The following RUNX1T1 variants were observed in gnomAD, a reference collection of about 807,000 sequenced individuals.
RUNX1T1 encodes RUNX1 partner transcriptional co-repressor 1, also known as protein CBFA2T1.
Under a neutral mutation model 62.8 loss-of-function variants are expected in RUNX1T1, and 4 were observed. The observed-to-expected ratio is 0.06, with a 90% CI of 0.03 to 0.15. RUNX1T1 has a LOEUF of 0.15. RUNX1T1 is among the 10% of genes least tolerant of loss of function. The pLI is 1.00. For synonymous variants in RUNX1T1, 291 were observed against 286.0 expected (o/e 1.02, Z -0.18); for missense variants, 508 against 754.3 (o/e 0.67, Z 3.82).
rs903413858 is a variant in RUNX1T1, at chr8:92,095,388, G to C, written c.-86+4192C>G. ...GCGGGAGAGCGGCCGCGGCCGAGGC[G>C]GCACCCAGACCGCGGCTTTGTATTC... On this transcript the variant is annotated intron_variant, in intron 1 of 11. Coordinates refer to the RUNX1T1 transcript ENST00000265814. 6.5e-6 allele frequency: 10 copies of C among 1,535,384 alleles called. No individual in the cohort carries two copies. In the East Asian group the frequency reaches 1.5e-4, roughly 23 times the overall value.
Position 92,056,859 on chromosome 8 carries a change from A to C in RUNX1T1, c.7+5687T>G, listed in dbSNP as rs143957495. On this transcript the variant is annotated intron_variant, in intron 1 of 10. Coordinates refer to ENST00000396218, the Ensembl canonical transcript of RUNX1T1. ...ATTTTCTACTAATCCAAAACACAGAAAACCATCCATCTGACCTTCCGATTA... is the reference window on the plus strand; with the variant it reads ...ATTTTCTACTAATCCAAAACACAGACAACCATCCATCTGACCTTCCGATTA... Among the ~76,000 whole-genome samples, 1,115 of 152,278 alleles carry C rather than the reference A, an allele frequency of 7.3e-3. 12 individuals are homozygous for C. Among genetic ancestry groups the C allele is most frequent in the Middle Eastern group, 0.048 (14 of 294 alleles).
chr8:92,088,497 C>G (rs962894372), intron 1 of RUNX1T1, among the ~76,000 whole-genome samples: 2 of 152,204 alleles, frequency 1.3e-5, no homozygotes, highest in Admixed American at 6.5e-5. Flanking sequence ...ATTTCTGATA[C>G]TCCACTTGTC....
In RUNX1T1 at chr8:92,020,184, C is replaced by T. The variant is rs80177675; in HGVS notation, c.8-2821G>A. Among the ~76,000 whole-genome samples, 315 of 152,274 alleles carry T rather than the reference C, an allele frequency of 2.1e-3. 2 individuals carry two copies. Among genetic ancestry groups the T allele is most frequent in the African/African-American group, 7.3e-3 (305 of 41,556 alleles). On this transcript the variant is annotated intron_variant, in intron 1 of 10. Coordinates refer to ENST00000396218, the Ensembl canonical transcript of RUNX1T1. ...GTGAAATAACCAGCCAGGCCTAATC[C>T]ACATACACATGAACACTCTCTGGAG...
intron 5 of RUNX1T1, chr8:92,003,319 A>G (rs1402556550): frequency 2.2e-6 from 1 of 456,142 alleles, no homozygotes; most frequent in East Asian, 6.9e-5. Flanking sequence ...CTGTGCAAGG[A>G]TAGTCAAAAG....
chr8:92,072,001 A>G (rs1833759352), intron 2 of RUNX1T1, among the ~76,000 whole-genome samples: 1 of 152,206 alleles, frequency 6.6e-6, no homozygotes, highest in Non-Finnish European at 1.5e-5. Flanking sequence ...ATTCCCAGTC[A>G]TTACCCTCCA....
intron 1 of RUNX1T1, among the ~76,000 whole-genome samples, chr8:92,092,301 T>A (rs1837152553): frequency 6.6e-6 from 1 of 152,226 alleles, no homozygotes; most frequent in Admixed American, 6.5e-5. Flanking sequence ...AGAACATGTC[T>A]TTCCTAGCAA....
At chr8:91,998,958 A>G (rs1819241631) in intron 5 of RUNX1T1, among the ~76,000 whole-genome samples, 1 of 152,164 alleles carries the variant, frequency 6.6e-6, no homozygotes, top group African/African-American at 2.4e-5. Flanking sequence ...TGACTGCATT[A>G]AGTTTAATTT....
At chr8:91,976,232 A>G (rs191732853) in intron 8 of RUNX1T1, among the ~76,000 whole-genome samples, 1 of 152,340 alleles carries the variant, frequency 6.6e-6, no homozygotes, top group East Asian at 1.9e-4. Flanking sequence ...TCATTATACA[A>G]TATGATGTTT....
intron 4 of RUNX1T1, 54 bp downstream of exon 5, chr8:92,010,948 A>C (rs768923264): frequency 1.0e-6 from 1 of 986,780 alleles, no homozygotes; most frequent in Non-Finnish European, 1.6e-6. Context: ...CACAGTTATG[A>C]CCTAGCAACA....
intron 1 of RUNX1T1, chr8:92,095,387 CG>C: frequency 6.5e-7 from 1 of 1,535,462 alleles, no homozygotes; most frequent in East Asian, 2.4e-5. Flanking sequence ...GCGGCCGAGG[CG>C]GCACCCAGAC....
At chr8:92,075,746 C>A (rs1834322404) in intron 2 of RUNX1T1, among the ~76,000 whole-genome samples, 1 of 151,998 alleles carries the variant, frequency 6.6e-6, no homozygotes, top group Non-Finnish European at 1.5e-5. Context: ...ATATTCAGAC[C>A]CAAAACTATC....
At chr8:91,996,651 C>T (rs975422572) in intron 5 of RUNX1T1, among the ~76,000 whole-genome samples, 5 of 152,094 alleles carry the variant, frequency 3.3e-5, no homozygotes, top group Admixed American at 1.3e-4. Context: ...AGGACTCAGC[C>T]GTGTGATCTC....
intron 1 of RUNX1T1, among the ~76,000 whole-genome samples, chr8:92,086,590 G>A (rs565658561): frequency 1.3e-5 from 2 of 152,288 alleles, no homozygotes; most frequent in Admixed American, 1.3e-4. Flanking sequence ...CAGAAGCCCT[G>A]GGACCGAGGT....
chr8:91,976,356 A>G (rs1329985326), intron 8 of RUNX1T1, among the ~76,000 whole-genome samples: 1 of 152,212 alleles, frequency 6.6e-6, no homozygotes, highest in Non-Finnish European at 1.5e-5. Context: ...TGGTGGTTAA[A>G]CAATCAAATG....
chr8:92,082,323 C>T (rs1007693211), intron 1 of RUNX1T1, among the ~76,000 whole-genome samples: 1 of 152,142 alleles, frequency 6.6e-6, no homozygotes, highest in Non-Finnish European at 1.5e-5. Context: ...AAAATTCCTA[C>T]GTGGTAGGGT....
At position 92,011,095 on chromosome 8, in the gene RUNX1T1, T is replaced by TG; in HGVS notation, c.388-5dup. 6.5e-7 allele frequency: 1 copy of TG among 1,546,068 alleles called. No individual in the cohort carries two copies. Among genetic ancestry groups the TG allele is most frequent in the Non-Finnish European group, 8.9e-7 (1 of 1,118,618 alleles). Reference sequence around the variant, plus strand: ...CTTCAATTGTCAAAGTGGAGTTCTATGGAAGAAAATATGTAGTATAAATAC... The same window carrying TG: ...CTTCAATTGTCAAAGTGGAGTTCTATGGGAAGAAAATATGTAGTATAAATAC... On this transcript the variant is annotated splice_region_variant and splice_polypyrimidine_tract_variant and intron_variant, in intron 3 of 10. Coordinates refer to ENST00000396218, the Ensembl canonical transcript of RUNX1T1.
intron 1 of RUNX1T1, among the ~76,000 whole-genome samples, chr8:92,036,124 C>A (rs1263927468): frequency 6.6e-6 from 1 of 152,120 alleles, no homozygotes; most frequent in Admixed American, 6.5e-5. Flanking sequence ...TCATATAGCA[C>A]TAGAGATGTC....
At chr8:91,980,358 A>T (rs1814953239) in intron 8 of RUNX1T1, among the ~76,000 whole-genome samples, 1 of 152,244 alleles carries the variant, frequency 6.6e-6, no homozygotes, top group African/African-American at 2.4e-5. Context: ...TATACACAGA[A>T]TAACTTGTTT....
intron 4 of RUNX1T1, among the ~76,000 whole-genome samples, chr8:92,008,388 TCACACACACACACA>T (rs566293413): frequency 9.9e-5 from 13 of 131,956 alleles, no homozygotes; most frequent in Admixed American, 1.6e-4. Context: ...TCTCTCTCTC[TCACACACACACACA>T]CACACACACA....
Sources: gnomAD v4.1 joint callset for allele counts (sites outside exome capture counted in the v4.1 genomes callset) on GRCh38, gnomAD v4.1.1 for gene constraint, MANE v1.5 for transcripts, NCBI Gene and HGNC (gene_info 2026-07-23, HGNC 2026-07-21) for gene names.